The following MCF2L2 variants were observed in gnomAD, a reference collection of about 807,000 sequenced individuals.
MCF2L2 encodes the protein probable guanine nucleotide exchange factor MCF2L2.
MCF2L2 carries 102 observed loss-of-function variants against 150.2 expected under a neutral mutation model. The observed-to-expected ratio is 0.68, with a 90% CI of 0.58 to 0.80. The LOEUF (loss-of-function observed/expected upper bound fraction) is 0.80. Ranked by LOEUF, MCF2L2 falls within the 30% of genes least tolerant of loss-of-function variation. The pLI is 0.00. For synonymous variants in MCF2L2, 465 were observed against 491.3 expected, an observed-to-expected ratio of 0.95 and a Z score of 0.71; for missense variants, 1,256 against 1,372.8, an observed-to-expected ratio of 0.91 and a Z score of 1.34.
chr3:183,356,329 A>G (rs1711781043), intron 3 of MCF2L2, among the ~76,000 whole-genome samples: 1 of 152,086 alleles, frequency 6.6e-6, no homozygotes, highest in Non-Finnish European at 1.5e-5. Flanking sequence ...CCTGGCCAAC[A>G]CGGTGAAACC....
chr3:183,368,430 G>A (rs1412986401), intron 3 of MCF2L2, among the ~76,000 whole-genome samples: 1 of 152,158 alleles, frequency 6.6e-6, no homozygotes, highest in Non-Finnish European at 1.5e-5. Context: ...AGCTACAACA[G>A]TAGGGTTCAG....
At chr3:183,239,439 G>T (rs546539635) in intron 15 of MCF2L2, among the ~76,000 whole-genome samples, 1 of 151,192 alleles carries the variant, frequency 6.6e-6, no homozygotes, top group African/African-American at 2.4e-5. Context: ...ACAACCAAGG[G>T]GCAGGAATGA....
At chr3:183,298,765 G>GCGCGCACGCGCGCGCGCGCGCACACACA in intron 11 of MCF2L2, 1 of 138,500 alleles carries the variant, frequency 7.2e-6, no homozygotes, top group Admixed American at 7.0e-5. Context: ...AAACACACAT[G>GCGCGCACGCGCGCGCGCGCGCACACACA]CACACACACA....
intron 27 of MCF2L2, among the ~76,000 whole-genome samples, chr3:183,183,602 C>A (rs1721600264): frequency 2.0e-5 from 3 of 152,242 alleles, no homozygotes; most frequent in African/African-American, 7.2e-5. Context: ...ACCTCTTGAG[C>A]ATCAGCTTCC....
At chr3:183,233,975 G>A (rs922720599) in intron 15 of MCF2L2, among the ~76,000 whole-genome samples, 1 of 152,064 alleles carries the variant, frequency 6.6e-6, no homozygotes, top group African/African-American at 2.4e-5. Context: ...GTACCACAGA[G>A]GATGTAATTT....
At chr3:183,289,798 G>A (rs1033574014) in intron 13 of MCF2L2, among the ~76,000 whole-genome samples, 35 of 152,354 alleles carry the variant, frequency 2.3e-4, no homozygotes, top group African/African-American at 8.4e-4. Flanking sequence ...GGAGGTTGCG[G>A]TGAGCTGAGA....
chr3:183,209,525 G>T (rs993349906), intron 22 of MCF2L2, among the ~76,000 whole-genome samples: 1 of 152,080 alleles, frequency 6.6e-6, no homozygotes, highest in Non-Finnish European at 1.5e-5. Flanking sequence ...GTCTTACTCT[G>T]TTGCCAAGGC....
rs562841523 is a variant in MCF2L2 at position 183,326,351 on chromosome 3, G to C, written c.487-3000C>G. ...TACTAAAAATACAAAAATTAGCCGGGCATGGTGGTGGGTGCCTGTAATCCC... is the reference window on the plus strand; with the variant it reads ...TACTAAAAATACAAAAATTAGCCGGCCATGGTGGTGGGTGCCTGTAATCCC... On this transcript the variant is annotated intron_variant, in intron 5 of 29. Transcript: ENST00000328913. Among the ~76,000 whole-genome samples the C allele has an allele frequency of 2.0e-5, 3 of 151,946 alleles. No individual in the cohort carries two copies. The East Asian group carries it at 5.8e-4, about 29-fold the overall frequency.
chr3:183,381,018 G>A (rs908395532), intron 2 of MCF2L2, among the ~76,000 whole-genome samples: 2 of 152,090 alleles, frequency 1.3e-5, no homozygotes, highest in Non-Finnish European at 2.9e-5. Flanking sequence ...TTTGGCCTAG[G>A]GGGGCCATGA....
At chr3:183,221,119 T>A (rs1723134129) in intron 20 of MCF2L2, among the ~76,000 whole-genome samples, 1 of 152,200 alleles carries the variant, frequency 6.6e-6, no homozygotes, top group South Asian at 2.1e-4. Flanking sequence ...GATTACAAGG[T>A]CGTTCCTTTC....
intron 1 of MCF2L2, among the ~76,000 whole-genome samples, chr3:183,397,583 A>G (rs1043829406): frequency 6.6e-6 from 1 of 152,226 alleles, no homozygotes; most frequent in African/African-American, 2.4e-5. Flanking sequence ...AAGAAATCTA[A>G]ATTAAAACAA....
At chr3:183,193,471 C>T (rs1054408300) in intron 26 of MCF2L2, among the ~76,000 whole-genome samples, 1 of 152,020 alleles carries the variant, frequency 6.6e-6, no homozygotes, top group Non-Finnish European at 1.5e-5. Flanking sequence ...CTGCCTCAGC[C>T]TCCCAAGTAG....
chr3:183,383,212 ATTTATTTATTTAT>A (rs1214636894), intron 2 of MCF2L2, among the ~76,000 whole-genome samples: 2 of 148,660 alleles, frequency 1.3e-5, no homozygotes, highest in Non-Finnish European at 3.0e-5. Context: ...GAATTTTTAT[ATTTATTTATTTAT>A]TTTATTTATT....
chr3:183,195,463 C>T (rs970628185), intron 25 of MCF2L2, among the ~76,000 whole-genome samples: 12 of 152,152 alleles, frequency 7.9e-5, no homozygotes, highest in Admixed American at 3.9e-4. Context: ...TCCTCCCCAA[C>T]GTCTCTACCC....
intron 7 of MCF2L2, among the ~76,000 whole-genome samples, chr3:183,315,483 G>T (rs991067738): frequency 4.6e-5 from 7 of 152,062 alleles, no homozygotes; most frequent in Non-Finnish European, 7.4e-5. Context: ...CCTTTCACTT[G>T]TCTTACAGGT....
chr3:183,208,757 T>C (rs1281592267), intron 22 of MCF2L2, among the ~76,000 whole-genome samples: 1 of 151,884 alleles, frequency 6.6e-6, no homozygotes, highest in Non-Finnish European at 1.5e-5. Context: ...TCAATCCCTA[T>C]GATTTCTGAG....
intron 15 of MCF2L2, chr3:183,273,123 A>G: frequency 1.2e-6 from 1 of 836,010 alleles, no homozygotes; most frequent in Non-Finnish European, 1.8e-6. Context: ...TTGGTGCTCC[A>G]GTGTAGGGCT....
At chr3:183,263,433 T>C (rs1020573706) in intron 15 of MCF2L2, among the ~76,000 whole-genome samples, 2 of 152,132 alleles carry the variant, frequency 1.3e-5, no homozygotes, top group African/African-American at 4.8e-5. Context: ...CACTTAGAGC[T>C]CCAAGACCAG....
In MCF2L2 at chr3:183,383,695, C is replaced by T. The variant is rs377261069; in HGVS notation, c.161-4284G>A. On this transcript the variant is annotated intron_variant, in intron 2 of 29. Coordinates refer to ENST00000328913, the MANE Select transcript of MCF2L2 (RefSeq NM_015078.4). ...GTAGCTAGACATGCATGTGGAAATA[C>T]ATACTATTGAAAGATATGTTACTTT... Among the ~76,000 whole-genome samples, 16 of 152,324 alleles carry T rather than the reference C, an allele frequency of 1.1e-4. No homozygotes were observed. The East Asian group carries it at 2.1e-3, about 20-fold the overall frequency.
Sources: gnomAD v4.1 joint callset for allele counts (sites outside exome capture counted in the v4.1 genomes callset) on GRCh38, gnomAD v4.1.1 for gene constraint, MANE v1.5 for transcripts, NCBI Gene and HGNC (gene_info 2026-07-23, HGNC 2026-07-21) for gene names.